ENOX1: variants seen among roughly 807,000 people sequenced by gnomAD.
The protein encoded by ENOX1 is candidate growth-related and time keeping constitutive hydroquinone (NADH) oxidase.
ENOX1 carries 42 observed loss-of-function variants against 82.5 expected under a neutral mutation model. The ratio of observed to expected loss-of-function variants is 0.51; its 90% CI spans 0.40 to 0.66. The LOEUF is 0.66. Among genes scored for constraint, ENOX1 ranks in the 30% least tolerant of loss-of-function variants. The pLI, the probability that ENOX1 is intolerant of heterozygous loss-of-function variation, is 0.00. For synonymous variants in ENOX1, 271 were observed against 282.2 expected, an observed-to-expected ratio of 0.96 and a Z score of 0.40; for missense variants, 608 against 811.6, an observed-to-expected ratio of 0.75 and a Z score of 3.05.
intron 14 of ENOX1, among the ~76,000 whole-genome samples, chr13:43,259,051 C>T (rs2153475010): frequency 6.6e-6 from 1 of 152,250 alleles, no homozygotes; most frequent in East Asian, 1.9e-4. Context: ...CCCAGTGTGT[C>T]CAAGGCTGGG....
chr13:43,628,228 C>T (rs1295478032), intron 2 of ENOX1, among the ~76,000 whole-genome samples: 1 of 152,114 alleles, frequency 6.6e-6, no homozygotes, highest in African/African-American at 2.4e-5. Context: ...GACTTCGATG[C>T]CGTGAATGTT....
At chr13:43,438,623 T>C (rs2056173590) in intron 3 of ENOX1, among the ~76,000 whole-genome samples, 1 of 152,134 alleles carries the variant, frequency 6.6e-6, no homozygotes, top group African/African-American at 2.4e-5. Context: ...CATACAAAAA[T>C]GTATCTGTCC....
At chr13:43,719,751 C>T (rs963354691) in intron 1 of ENOX1, among the ~76,000 whole-genome samples, 10 of 152,120 alleles carry the variant, frequency 6.6e-5, no homozygotes, top group Non-Finnish European at 1.3e-4. Flanking sequence ...AAGCTTGCCA[C>T]ACCTTTTGGC....
chr13:43,547,090 T>TA (rs2079004980), intron 2 of ENOX1: 1 of 152,160 alleles, frequency 6.6e-6, no homozygotes, highest in South Asian at 2.1e-4. Flanking sequence ...CAGCCAACCA[T>TA]AAAATCACAG....
At chr13:43,730,694 G>T (rs1174073933) in intron 1 of ENOX1, among the ~76,000 whole-genome samples, 1 of 152,046 alleles carries the variant, frequency 6.6e-6, no homozygotes, top group Non-Finnish European at 1.5e-5. Flanking sequence ...CCTAGCACAG[G>T]TTCCCATCTA....
At chr13:43,622,879 C>T (rs907619337) in intron 2 of ENOX1, among the ~76,000 whole-genome samples, 4 of 151,870 alleles carry the variant, frequency 2.6e-5, no homozygotes, top group East Asian at 1.9e-4. Context: ...ACCATTAGGT[C>T]GGGGCAGGGC....
At chr13:43,357,938 G>A (rs952772718) in intron 7 of ENOX1, among the ~76,000 whole-genome samples, 4 of 152,118 alleles carry the variant, frequency 2.6e-5, no homozygotes, top group Admixed American at 1.3e-4. Flanking sequence ...TGGGACTGAC[G>A]CTGCAGCCTC....
chr13:43,293,965 A>T (rs1220953110), intron 12 of ENOX1, among the ~76,000 whole-genome samples: 1 of 152,202 alleles, frequency 6.6e-6, no homozygotes, highest in Non-Finnish European at 1.5e-5. Flanking sequence ...AATGCTTGTC[A>T]CTTAATTTCT....
intron 3 of ENOX1, among the ~76,000 whole-genome samples, chr13:43,450,089 C>T (rs917328145): frequency 1.3e-5 from 2 of 152,158 alleles, no homozygotes; most frequent in African/African-American, 4.8e-5. Flanking sequence ...TATTGGCATT[C>T]AATATAGTCA....
intron 2 of ENOX1, among the ~76,000 whole-genome samples, chr13:43,642,598 C>T (rs1594230002): frequency 6.6e-6 from 1 of 152,032 alleles, no homozygotes; most frequent in Non-Finnish European, 1.5e-5. Context: ...GCAGAAGCAC[C>T]CAAGAGATGG....
chr13:43,682,666 G>A (rs1228436069), intron 1 of ENOX1, among the ~76,000 whole-genome samples: 1 of 152,048 alleles, frequency 6.6e-6, no homozygotes, highest in East Asian at 1.9e-4. Context: ...GTTGAGCCAA[G>A]ATTTGAAAGT....
intron 12 of ENOX1, among the ~76,000 whole-genome samples, chr13:43,290,246 A>G (rs1416463214): frequency 6.6e-6 from 1 of 152,220 alleles, no homozygotes; most frequent in Admixed American, 6.5e-5. Flanking sequence ...AGGCAAAGAA[A>G]TCATTCTACC....
At chr13:43,652,980 C>T (rs1594272740) in intron 2 of ENOX1, among the ~76,000 whole-genome samples, 1 of 152,184 alleles carries the variant, frequency 6.6e-6, no homozygotes, top group East Asian at 1.9e-4. Context: ...GACTGGAGCT[C>T]CCTGCCTGGG....
chr13:43,642,120 T>C (rs1449148972), intron 2 of ENOX1, among the ~76,000 whole-genome samples: 2 of 152,130 alleles, frequency 1.3e-5, no homozygotes, highest in African/African-American at 4.8e-5. Flanking sequence ...TTACCCAAAT[T>C]TACATATGCT....
chr13:43,457,525 G>T (rs547615521), intron 3 of ENOX1, among the ~76,000 whole-genome samples: 1 of 152,182 alleles, frequency 6.6e-6, no homozygotes, highest in South Asian at 2.1e-4. Flanking sequence ...CAGAAAGGGA[G>T]GGAGGGGGAA....
rs185647061 is a variant in ENOX1, at chr13:43,347,114, T to C, written c.824-2364A>G. 1.4e-4 allele frequency among the ~76,000 whole-genome samples: 22 copies of C among 152,166 alleles called. 2 individuals are homozygous for C. The East Asian group carries it at 4.1e-3, about 28-fold the overall frequency. On this transcript the variant is annotated intron_variant, in intron 8 of 16. Coordinates refer to ENST00000690772, the MANE Select transcript of ENOX1 (RefSeq NM_001347969.2). ...GTTCATAAATAGACTAACTTTACTATCAGGAAAAAAAACACTTCAATTTTA... is the reference window on the plus strand; with the variant it reads ...GTTCATAAATAGACTAACTTTACTACCAGGAAAAAAAACACTTCAATTTTA...
intron 1 of ENOX1, among the ~76,000 whole-genome samples, chr13:43,683,270 G>T (rs1387100142): frequency 6.6e-6 from 1 of 152,148 alleles, no homozygotes; most frequent in Non-Finnish European, 1.5e-5. Context: ...TTCCTCAATT[G>T]CCTTTCGATA....
intron 2 of ENOX1, among the ~76,000 whole-genome samples, chr13:43,591,503 GGAGA>G (rs1417480084): frequency 6.6e-6 from 1 of 152,142 alleles, no homozygotes; most frequent in Non-Finnish European, 1.5e-5. Context: ...AGGTTTGGTG[GGAGA>G]GAGATGAGGG....
intron 1 of ENOX1, among the ~76,000 whole-genome samples, chr13:43,703,598 G>C (rs1438908704): frequency 6.6e-6 from 1 of 152,010 alleles, no homozygotes; most frequent in Non-Finnish European, 1.5e-5. Flanking sequence ...AACATTTCTT[G>C]AGAGTAGATT....
Sources: gnomAD v4.1 joint callset for allele counts (sites outside exome capture counted in the v4.1 genomes callset) on GRCh38, gnomAD v4.1.1 for gene constraint, MANE v1.5 for transcripts, NCBI Gene and HGNC (gene_info 2026-07-23, HGNC 2026-07-21) for gene names.